CIRSR: variants seen among roughly 807,000 people sequenced by gnomAD.
The protein encoded by CIRSR is corepressor of RBPJ and splicing regulator.
the CIRSR span, chr2:174,380,723 C>T: frequency 5.0e-6 from 8 of 1,611,506 alleles, no homozygotes; most frequent in African/African-American, 8.0e-5. Flanking sequence ...TTTCTAAAAA[C>T]ATTCATTGAA....
At chr2:174,362,764 A>C in the CIRSR span, among the ~76,000 whole-genome samples, 1 of 151,570 alleles carries the variant, frequency 6.6e-6, no homozygotes, top group African/African-American at 2.4e-5. Context: ...CGCTGCCCTG[A>C]AAACTGGAGA....
chr2:174,379,615 G>A, the CIRSR span, among the ~76,000 whole-genome samples: 2 of 150,790 alleles, frequency 1.3e-5, no homozygotes, highest in African/African-American at 4.9e-5. Context: ...ACCAATAATA[G>A]ATTTAAATCT....
At chr2:174,350,644 T>G in the CIRSR span, 1 of 1,508,344 alleles carries the variant, frequency 6.6e-7, no homozygotes, top group African/African-American at 1.4e-5. Context: ...CTATTAAATA[T>G]ATACTTCTAA....
At chr2:174,377,837 A>AAAC in the CIRSR span, among the ~76,000 whole-genome samples, 1 of 151,470 alleles carries the variant, frequency 6.6e-6, no homozygotes, top group African/African-American at 2.4e-5. Context: ...AAAAAAAAAA[A>AAAC]AAAAAAAAAA....
chr2:174,355,025 A>C, the CIRSR span, among the ~76,000 whole-genome samples: 3 of 151,852 alleles, frequency 2.0e-5, no homozygotes, highest in African/African-American at 2.4e-5. Context: ...TTCTCCTATC[A>C]ACCAAAGTTC....
chr2:174,363,545 T>C, the CIRSR span, among the ~76,000 whole-genome samples: 1 of 152,206 alleles, frequency 6.6e-6, no homozygotes, highest in African/African-American at 2.4e-5. Flanking sequence ...TATGCTGTAT[T>C]AGTCTGTTTT....
At chr2:174,385,289 T>C in the CIRSR span, among the ~76,000 whole-genome samples, 23 of 150,716 alleles carry the variant, frequency 1.5e-4, no homozygotes, top group Non-Finnish European at 2.5e-4. Context: ...GTGATTGATA[T>C]AATAAACATT....
At chr2:174,349,436 CT>C in the CIRSR span, among the ~76,000 whole-genome samples, 1 of 151,664 alleles carries the variant, frequency 6.6e-6, no homozygotes, top group South Asian at 2.1e-4. Context: ...ATGGTGGCAC[CT>C]GCCTGTAATC....
At chr2:174,349,004 A>G in the CIRSR span, 3 of 1,590,648 alleles carry the variant, frequency 1.9e-6, no homozygotes, top group Non-Finnish European at 2.6e-6. Context: ...CTTTATTGTT[A>G]CTCTCACTCT....
At chr2:174,361,675 A>C in the CIRSR span, among the ~76,000 whole-genome samples, 1 of 152,222 alleles carries the variant, frequency 6.6e-6, no homozygotes, top group African/African-American at 2.4e-5. Context: ...CACACAAACA[A>C]ATCTTTGCAG....
chr2:174,352,187 T>C, the CIRSR span, among the ~76,000 whole-genome samples: 1 of 149,074 alleles, frequency 6.7e-6, no homozygotes, highest in African/African-American at 2.5e-5. Context: ...ACTGAATACA[T>C]TGCCAAGTGG....
At chr2:174,377,544 T>C in the CIRSR span, among the ~76,000 whole-genome samples, 3 of 152,174 alleles carry the variant, frequency 2.0e-5, no homozygotes, top group South Asian at 4.2e-4. Context: ...TGGCCAGGCA[T>C]GGTGGCTCAT....
the CIRSR span, among the ~76,000 whole-genome samples, chr2:174,358,956 A>G: frequency 1.3e-5 from 2 of 152,322 alleles, no homozygotes; most frequent in Middle Eastern, 3.4e-3. Flanking sequence ...AGCCTCTCAA[A>G]GTGCTGGGAT....
the CIRSR span, among the ~76,000 whole-genome samples, chr2:174,389,354 G>C: frequency 6.6e-6 from 1 of 152,298 alleles, no homozygotes; most frequent in East Asian, 1.9e-4. Context: ...AGATGGAGAT[G>C]GGAAACCTTT....
At chr2:174,385,115 C>T in the CIRSR span, among the ~76,000 whole-genome samples, 26 of 150,176 alleles carry the variant, frequency 1.7e-4, no homozygotes, top group Admixed American at 4.0e-4. Flanking sequence ...TTCAGGAGAC[C>T]GAAGCAGGAG....
chr2:174,365,158 A>G, the CIRSR span, among the ~76,000 whole-genome samples: 1 of 152,138 alleles, frequency 6.6e-6, no homozygotes, highest in Admixed American at 6.5e-5. Context: ...TCTCAAGTTC[A>G]AACTTCCACA....
At chr2:174,384,500 A>C in the CIRSR span, among the ~76,000 whole-genome samples, 1 of 152,344 alleles carries the variant, frequency 6.6e-6, no homozygotes, top group South Asian at 2.1e-4. Context: ...CACACTTAAA[A>C]TGGTAAATTT....
the CIRSR span, among the ~76,000 whole-genome samples, chr2:174,354,512 C>T: frequency 7.7e-5 from 6 of 77,592 alleles, no homozygotes; most frequent in East Asian, 3.5e-4. Context: ...TTATATATAT[C>T]ATATAATATA....
the CIRSR span, chr2:174,369,941 AC>A: frequency 1.5e-6 from 2 of 1,357,406 alleles, no homozygotes; most frequent in African/African-American, 3.0e-5. Flanking sequence ...GTAAGCACAT[AC>A]GGTTGGAAAA....
Sources: allele counts gnomAD v4.1 joint callset (sites outside exome capture counted in the v4.1 genomes callset), GRCh38; gene constraint gnomAD v4.1.1; transcripts MANE v1.5; gene names NCBI Gene and HGNC (gene_info 2026-07-23, HGNC 2026-07-21).